The following AGBL1 variants were observed in gnomAD, a reference collection of about 807,000 sequenced individuals.
AGBL1 encodes the protein cytosolic carboxypeptidase 4.
Under a neutral mutation model 118.9 loss-of-function variants are expected in AGBL1, and 130 were observed. The ratio of observed to expected loss-of-function variants is 1.09; its 90% CI spans 0.95 to 1.26. AGBL1 has a LOEUF of 1.26. Ranked by LOEUF, AGBL1 falls within the 50% of genes most tolerant of loss-of-function variation. AGBL1 has a pLI of 0.00. For synonymous variants in AGBL1, 555 were observed against 478.9 expected, an observed-to-expected ratio of 1.16 and a Z score of -2.08; for missense variants, 1,584 against 1,298.1, an observed-to-expected ratio of 1.22 and a Z score of -3.38.
chr15:86,094,436 G>A (rs956352916), intron 1 of AGBL1, among the ~76,000 whole-genome samples: 2 of 152,092 alleles, frequency 1.3e-5, no homozygotes, highest in African/African-American at 4.8e-5. Context: ...GAAAAATGAT[G>A]TTTTGTAGCT....
chr15:86,990,345 T>C (rs2081325683), intron 24 of AGBL1, among the ~76,000 whole-genome samples: 1 of 152,148 alleles, frequency 6.6e-6, no homozygotes, highest in Non-Finnish European at 1.5e-5. Context: ...TGAAACCCTG[T>C]CTGTACTAAA....
intron 21 of AGBL1, among the ~76,000 whole-genome samples, chr15:86,632,391 C>A (rs2084987801): frequency 6.6e-6 from 1 of 151,912 alleles, no homozygotes; most frequent in Admixed American, 6.6e-5. Context: ...TGCGGTGAGC[C>A]GAGATTTCAC....
chr15:86,925,557 T>G (rs1472331409), intron 23 of AGBL1, among the ~76,000 whole-genome samples: 1 of 152,166 alleles, frequency 6.6e-6, no homozygotes. Context: ...TGTAGAGAGC[T>G]TCTATGCATT....
chr15:86,145,247 T>C (rs2077017473), intron 3 of AGBL1, among the ~76,000 whole-genome samples: 1 of 152,200 alleles, frequency 6.6e-6, no homozygotes, highest in South Asian at 2.1e-4. Context: ...TTCAATCCAC[T>C]ACAAGTCACA....
In AGBL1 at chr15:86,514,799, C is replaced by G. The variant is rs547737483; in HGVS notation, c.2556-8011C>G. 5.3e-5 allele frequency among the ~76,000 whole-genome samples: 8 copies of G among 152,208 alleles called. No homozygotes were observed. In the South Asian group the frequency reaches 1.7e-3, roughly 32 times the overall value. ...TTTATCTTTCTTGTATTTTCTTGCACAAAGGAATAAATGCATGTTTATTGT... is the reference window on the plus strand; with the variant it reads ...TTTATCTTTCTTGTATTTTCTTGCAGAAAGGAATAAATGCATGTTTATTGT... On this transcript the variant is annotated intron_variant, in intron 18 of 22. Coordinates refer to ENST00000614907, the MANE Select transcript of AGBL1 (RefSeq NM_001386094.1).
intron 22 of AGBL1, among the ~76,000 whole-genome samples, chr15:86,689,432 C>A (rs564881778): frequency 6.6e-6 from 1 of 152,170 alleles, no homozygotes; most frequent in East Asian, 1.9e-4. Flanking sequence ...AGCTGAATCC[C>A]TAGCACCTAG....
At chr15:87,008,025 G>A (rs1171853572) in intron 24 of AGBL1, among the ~76,000 whole-genome samples, 1 of 152,224 alleles carries the variant, frequency 6.6e-6, no homozygotes, top group Non-Finnish European at 1.5e-5. Context: ...GGTGAGTGAA[G>A]GAGGGAAGGT....
chr15:86,117,517 A>G (rs755105808), intron 1 of AGBL1, among the ~76,000 whole-genome samples: 1 of 152,174 alleles, frequency 6.6e-6, no homozygotes, highest in African/African-American at 2.4e-5. Flanking sequence ...ATCTCATTTA[A>G]TTCTCACTAA....
At chr15:87,017,753 T>G (rs987385972) in intron 24 of AGBL1, among the ~76,000 whole-genome samples, 7 of 152,100 alleles carry the variant, frequency 4.6e-5, no homozygotes, top group African/African-American at 1.7e-4. Context: ...TCCAAATTAT[T>G]GCAGCATCTC....
intron 21 of AGBL1, among the ~76,000 whole-genome samples, chr15:86,610,410 T>C (rs1393901924): frequency 1.3e-5 from 2 of 152,196 alleles, no homozygotes; most frequent in African/African-American, 2.4e-5. Flanking sequence ...CATGTGATGA[T>C]GGATTTGAAA....
intron 22 of AGBL1, among the ~76,000 whole-genome samples, chr15:86,787,938 T>C (rs2078437815): frequency 6.6e-6 from 1 of 152,248 alleles, no homozygotes; most frequent in African/African-American, 2.4e-5. Context: ...TAATTCTTGC[T>C]ATTTAATTGC....
chr15:86,841,657 C>T (rs1261338087), intron 22 of AGBL1, among the ~76,000 whole-genome samples: 1 of 151,860 alleles, frequency 6.6e-6, no homozygotes. Context: ...ACCAGCCTGA[C>T]CAACATGGAA....
intron 23 of AGBL1, among the ~76,000 whole-genome samples, chr15:86,982,525 A>T (rs1003729820): frequency 9.6e-6 from 1 of 104,472 alleles, no homozygotes; most frequent in Non-Finnish European, 2.2e-5. Flanking sequence ...AAGATGAAAC[A>T]GTGTGTCTGC....
chr15:87,028,905 G>T (rs1333370417), exon 25 of AGBL1: 2 of 1,528,644 alleles, frequency 1.3e-6, no homozygotes, highest in East Asian at 4.5e-5. Flanking sequence ...TCCTGGATCT[G>T]TGAGGAAATA....
Position 86,570,221 on chromosome 15 carries a change from A to G in AGBL1, c.2994+15684A>G, listed in dbSNP as rs550217703. 9.0e-4 allele frequency among the ~76,000 whole-genome samples: 137 copies of G among 152,316 alleles called. 1 individual carries two copies. Among genetic ancestry groups the G allele is most frequent in the Non-Finnish European group, 1.6e-3 (110 of 67,998 alleles). Reference sequence around the variant, plus strand: ...CCAAACCATAATATCCCCTTTGACTATTGATACCAGTGGGCTGGGGGAGGT... The same window carrying G: ...CCAAACCATAATATCCCCTTTGACTGTTGATACCAGTGGGCTGGGGGAGGT... On this transcript the variant is annotated intron_variant, in intron 21 of 22. Coordinates refer to ENST00000614907, the MANE Select transcript of AGBL1 (RefSeq NM_001386094.1).
At chr15:86,943,129 T>C (rs2080775767) in intron 23 of AGBL1, among the ~76,000 whole-genome samples, 2 of 152,192 alleles carry the variant, frequency 1.3e-5, no homozygotes, top group African/African-American at 4.8e-5. Context: ...CTCTAAAATC[T>C]CAGGTACTTA....
chr15:86,454,709 T>C (rs1419783108), intron 18 of AGBL1, among the ~76,000 whole-genome samples: 1 of 152,132 alleles, frequency 6.6e-6, no homozygotes, highest in Non-Finnish European at 1.5e-5. Flanking sequence ...TAAACTAAAC[T>C]GATGGTTGTC....
At chr15:86,887,363 T>C (rs1252455907) in intron 22 of AGBL1, among the ~76,000 whole-genome samples, 1 of 152,192 alleles carries the variant, frequency 6.6e-6, no homozygotes, top group Non-Finnish European at 1.5e-5. Flanking sequence ...TAAGCATCTC[T>C]TTCATTAACA....
intron 10 of AGBL1, 96 bp from the exon 11 acceptor site, chr15:86,264,162 C>T: frequency 9.6e-7 from 1 of 1,043,142 alleles, no homozygotes; most frequent in Non-Finnish European, 1.4e-6. Flanking sequence ...AGGATTTATG[C>T]TTAGCTCTGT....
Sources: gnomAD v4.1 joint callset for allele counts (sites outside exome capture counted in the v4.1 genomes callset) on GRCh38, gnomAD v4.1.1 for gene constraint, MANE v1.5 for transcripts, NCBI Gene and HGNC (gene_info 2026-07-23, HGNC 2026-07-21) for gene names.